The following FADD variants were observed in gnomAD, a reference collection of about 807,000 sequenced individuals.
The protein encoded by FADD is FAS-associated death domain protein.
A neutral mutation model predicts 5.8 loss-of-function variants in FADD; 3 were observed. The ratio of observed to expected loss-of-function variants is 0.52; its 90% CI spans 0.24 to 1.34. FADD has a LOEUF of 1.34. Ranked by LOEUF, FADD falls within the 40% of genes most tolerant of loss-of-function variation. The pLI is 0.17. For synonymous variants in FADD, 138 were observed against 130.8 expected (o/e 1.06, Z -0.38); for missense variants, 249 against 286.7 (o/e 0.87, Z 0.95).
At position 70,206,243 on chromosome 11, in the gene FADD, T is replaced by C. The variant is rs2049458420; in HGVS notation, c.397T>C (p.Tyr133His). 6.2e-7 allele frequency: 1 copy of C among 1,614,154 alleles called. No homozygotes were observed. The highest frequency in any genetic ancestry group is 8.5e-7 in the Non-Finnish European group (1 of 1,180,030). ...DTKIDSIEDR[Y>H]PRNLTERVRE... ...CAAGATCGACAGCATCGAGGACAGA[T>C]ACCCCCGCAACCTGACAGAGCGTGT... Residue 133 changes from tyrosine to histidine, a missense_variant, in exon 2 of 2, where the codon TAC becomes CAC. Transcript: ENST00000301838.
rs531922348 is a variant in FADD, at chr11:70,203,723, C to G, written c.264C>G (p.Ala88=). The change falls in exon 1 of 2, where the codon GCC becomes GCG. Residue 88 remains alanine (A), a synonymous_variant. Transcript: ENST00000301838. The part of the protein sequence containing the change: ...RVDDFEAGAA[A]GAAPGEEDLC... Reference sequence around the variant, plus strand: ...ACGACTTCGAGGCGGGGGCGGCGGCCGGGGCCGCGCCTGGGGAAGAAGGTG... The same window carrying G: ...ACGACTTCGAGGCGGGGGCGGCGGCGGGGGCCGCGCCTGGGGAAGAAGGTG... The G allele has an allele frequency of 7.2e-7, 1 of 1,392,040 alleles. No homozygotes were observed. The highest frequency in any genetic ancestry group is 1.5e-5 in the African/African-American group (1 of 66,536). 86.2% of individuals were successfully genotyped at this position (1,392,040 alleles called of 1,614,324 possible).
intron 1 of FADD, 68 bp downstream of exon 1, chr11:70,203,813 C>A: frequency 1.3e-6 from 1 of 755,370 alleles, no homozygotes; most frequent in Non-Finnish European, 1.9e-6. Context: ...CGAGGCTCCT[C>A]CGGTTGGCCT....
rs372907539 is a variant in FADD at position 70,204,756 on chromosome 11, G to A, written c.286+1011G>A. Among the ~76,000 whole-genome samples the A allele has an allele frequency of 3.0e-4, 45 of 152,248 alleles. 1 individual carries two copies. The highest frequency in any genetic ancestry group is 1.1e-3 in the African/African-American group (44 of 41,546). On this transcript the variant is annotated intron_variant, in intron 1 of 1. Transcript: ENST00000301838. The stretch of plus-strand genomic sequence containing the variant: ...AAACAAAACAGGACGTAGAAAAATC[G>A]GGTTTTATGGATATTTAATGTCTGG...
At chr11:70,204,353 C>T (rs2049444070) in intron 1 of FADD, among the ~76,000 whole-genome samples, 1 of 152,194 alleles carries the variant, frequency 6.6e-6, no homozygotes. Context: ...GTAGTGTTAG[C>T]CACTACACTG....
At chr11:70,204,046 TG>T (rs1325046234) in intron 1 of FADD, among the ~76,000 whole-genome samples, 1 of 151,962 alleles carries the variant, frequency 6.6e-6, no homozygotes, top group Non-Finnish European at 1.5e-5. Context: ...GGGCAGAGGT[TG>T]GGTGAGCCTG....
chr11:70,203,808 C>A, intron 1 of FADD, 63 bp downstream of exon 1: 1 of 821,348 alleles, frequency 1.2e-6, no homozygotes, highest in Non-Finnish European at 1.7e-6. Context: ...TGCTGCGAGG[C>A]TCCTCCGGTT....
At position 70,206,122 on chromosome 11, in the gene FADD, T is replaced by G. The variant is rs757761952; in HGVS notation, c.287-11T>G. On this transcript the variant is annotated splice_polypyrimidine_tract_variant and intron_variant, in intron 1 of 1. Transcript: ENST00000301838. ...AACCTATGGTAAACCGTTCTGTTCTTTCCTTCCCAGACCTGTGTGCAGCAT... is the reference window on the plus strand; with the variant it reads ...AACCTATGGTAAACCGTTCTGTTCTGTCCTTCCCAGACCTGTGTGCAGCAT... 18 of 1,611,752 alleles carry G rather than the reference T, an allele frequency of 1.1e-5. No individual in the cohort carries two copies. The highest frequency in any genetic ancestry group is 1.5e-5 in the Non-Finnish European group (18 of 1,178,324).
intron 1 of FADD, among the ~76,000 whole-genome samples, chr11:70,204,530 G>A (rs1312288577): frequency 1.3e-5 from 2 of 152,176 alleles, no homozygotes; most frequent in African/African-American, 4.8e-5. Flanking sequence ...GGAGAGGCTT[G>A]GGAGTGCTCT....
intron 1 of FADD, 116 bp from the exon 2 acceptor site, chr11:70,206,017 G>T: frequency 1.1e-6 from 1 of 878,342 alleles, no homozygotes; most frequent in Non-Finnish European, 1.9e-6. Flanking sequence ...AGAGGACCTC[G>T]TGTAGGCACC....
chr11:70,205,182 C>T lies in FADD; in HGVS notation c.287-951C>T, dbSNP rs547748801. 3.3e-5 allele frequency among the ~76,000 whole-genome samples: 5 copies of T among 152,286 alleles called. 1 individual carries two copies. The East Asian group carries it at 9.7e-4, about 29-fold the overall frequency. On this transcript the variant is annotated intron_variant, in intron 1 of 1. Coordinates refer to ENST00000301838, the MANE Select transcript of FADD (RefSeq NM_003824.4). ...CCTGCCAACGGTGTCTCAGAATTGC[C>T]AGTAGTCCAAGCAGCACCCTGTCCT...
Position 70,206,556 on chromosome 11 carries a change from G to GT in FADD, c.*84dup. 7.5e-7 allele frequency: 1 copy of GT among 1,331,282 alleles called. No homozygotes were observed. The highest frequency in any genetic ancestry group is 1.1e-6 in the Non-Finnish European group (1 of 947,042). 82.5% of individuals were successfully genotyped at this position (1,331,282 alleles called of 1,614,324 possible). A position where few individuals can be genotyped will look rare whatever the true frequency, so the allele number is the denominator to read the frequency against. On this transcript the variant is annotated 3_prime_UTR_variant, in exon 2 of 2. Coordinates refer to ENST00000301838, the MANE Select transcript of FADD (RefSeq NM_003824.4). ...CTCTCCAGGAAGGTAGCCCAGCACTGTGAAGACCCAGCAGGAAGCCAGGCT... is the reference window on the plus strand; with the variant it reads ...CTCTCCAGGAAGGTAGCCCAGCACTGTTGAAGACCCAGCAGGAAGCCAGGCT...
intron 1 of FADD, 137 bp from the exon 2 acceptor site, chr11:70,205,996 C>A: frequency 1.3e-6 from 1 of 776,166 alleles, no homozygotes; most frequent in African/African-American, 1.7e-5. Context: ...CCAGGCGACT[C>A]TAGCCTCTAC....
Position 70,203,514 on chromosome 11 carries a change from G to T in FADD, c.55G>T (p.Glu19Ter). The change falls in exon 1 of 2, where the codon GAG becomes TAG. Residue 19 changes from glutamate (E) to a stop codon, truncating the protein, a stop_gained. Coordinates refer to ENST00000301838, the MANE Select transcript of FADD (RefSeq NM_003824.4). LOFTEE classifies it high-confidence loss of function. ...HSVSSSLSSS[E>*]LTELKFLCLG... The stretch of plus-strand genomic sequence containing the variant: ...GGTGTCGTCCAGCCTGTCGAGCAGC[G>T]AGCTGACCGAGCTCAAGTTCCTATG... 1 of 1,609,434 alleles carries T rather than the reference G, an allele frequency of 6.2e-7. No individual in the cohort carries two copies.
At chr11:70,203,787 C>T (rs913710634) in intron 1 of FADD, 42 bp downstream of exon 1, 3 of 1,045,348 alleles carry the variant, frequency 2.9e-6, no homozygotes, top group East Asian at 3.3e-5. Context: ...GCCTGGTCGC[C>T]CGGCTGTAGG....
Position 70,203,471 on chromosome 11 carries a change from C to T in FADD, c.12C>T (p.Phe4=), listed in dbSNP as rs774870663. ...TTGCAGACCCCGCCATGGACCCGTT[C>T]CTGGTGCTGCTGCACTCGGTGTCGT... MDP[F]LVLLHSVSSS... is the part of the protein sequence containing the mutation. The change falls in exon 1 of 2, where the codon TTC becomes TTT. Residue 4 remains phenylalanine (F), a synonymous_variant. Transcript: ENST00000301838. 5 of 1,584,324 alleles carry T rather than the reference C, an allele frequency of 3.2e-6. No individual in the cohort carries two copies. The highest frequency in any genetic ancestry group is 4.6e-5 in the East Asian group (2 of 43,140).
chr11:70,204,644 C>T (rs981954729), intron 1 of FADD, among the ~76,000 whole-genome samples: 2 of 152,114 alleles, frequency 1.3e-5, no homozygotes, highest in Admixed American at 6.5e-5. Context: ...TCTGTAAAGA[C>T]TGGTGCCTGT....
At position 70,207,342 on chromosome 11, in the gene FADD, A is replaced by G. The variant is rs1250571610; in HGVS notation, c.*869A>G. 1 of 152,116 alleles carries G rather than the reference A, an allele frequency of 6.6e-6. No individual in the cohort carries two copies. Among genetic ancestry groups the G allele is most frequent in the Non-Finnish European group, 1.5e-5 (1 of 68,030 alleles). The allele number at this position is 152,116 out of a possible 1,614,324, so 9.4% of individuals were successfully genotyped here. ...TTTAAAAAGCAGTCCTCTTATTCCT[A>G]AGGTAATCCTATTAAAACACAGCTT... On this transcript the variant is annotated 3_prime_UTR_variant, in exon 2 of 2. Transcript: ENST00000301838.
chr11:70,206,558 G>T lies in FADD; in HGVS notation c.*85G>T. ...CTCCAGGAAGGTAGCCCAGCACTGT[G>T]AAGACCCAGCAGGAAGCCAGGCTGA... On this transcript the variant is annotated 3_prime_UTR_variant, in exon 2 of 2. Coordinates refer to ENST00000301838, the MANE Select transcript of FADD (RefSeq NM_003824.4). The T allele has an allele frequency of 7.6e-7, 1 of 1,322,044 alleles. No individual in the cohort carries two copies. The highest frequency in any genetic ancestry group is 1.1e-6 in the Non-Finnish European group (1 of 939,858). 81.9% of individuals were successfully genotyped at this position (1,322,044 alleles called of 1,614,324 possible). A position where few individuals can be genotyped will look rare whatever the true frequency, so the allele number is the denominator to read the frequency against.
rs764812310 is a variant in FADD at position 70,203,483 on chromosome 11, G to A, written c.24G>A (p.Leu8=). Residue 8 remains leucine, a synonymous_variant, in exon 1 of 2, where the codon CTG becomes CTA. Coordinates refer to ENST00000301838, the MANE Select transcript of FADD (RefSeq NM_003824.4). MDPFLVL[L]HSVSSSLSSS... The stretch of plus-strand genomic sequence containing the variant: ...CCATGGACCCGTTCCTGGTGCTGCT[G>A]CACTCGGTGTCGTCCAGCCTGTCGA... 7 of 1,593,610 alleles carry A rather than the reference G, an allele frequency of 4.4e-6. No homozygotes were observed. The highest frequency in any genetic ancestry group is 4.3e-6 in the Non-Finnish European group (5 of 1,170,522).
Sources: allele counts gnomAD v4.1 joint callset (sites outside exome capture counted in the v4.1 genomes callset), GRCh38; gene constraint gnomAD v4.1.1; transcripts MANE v1.5; gene names NCBI Gene and HGNC (gene_info 2026-07-23, HGNC 2026-07-21).